CCR3: variants seen among roughly 807,000 people sequenced by gnomAD.
CCR3 encodes C-C chemokine receptor type 3.
For synonymous variants in CCR3, 203 were observed against 179.2 expected, an observed-to-expected ratio of 1.13 and a Z score of -1.06; for missense variants, 419 against 437.5, an observed-to-expected ratio of 0.96 and a Z score of 0.38.
chr3:46,221,890 C>T (rs1026594361), intron 2 of CCR3, among the ~76,000 whole-genome samples: 2 of 152,052 alleles, frequency 1.3e-5, no homozygotes, highest in South Asian at 2.1e-4. Flanking sequence ...CCTGACTGGC[C>T]GCCACCCCTC....
intron 1 of CCR3, among the ~76,000 whole-genome samples, chr3:46,261,020 A>G (rs1326334889): frequency 6.6e-6 from 1 of 152,136 alleles, no homozygotes; most frequent in Non-Finnish European, 1.5e-5. Context: ...CCTACTTTCT[A>G]TGTTCATTTA....
chr3:46,242,980 C>T lies in CCR3; in HGVS notation c.-12+442C>T, dbSNP rs112064913. On this transcript the variant is annotated intron_variant, in intron 1 of 1. Transcript: ENST00000395940. ...ATATATGTGTATATATATATATATA[C>T]ACATATATATATATATATATATACG... is the stretch of plus-strand genomic sequence containing the variant. 6.7e-3 allele frequency among the ~76,000 whole-genome samples: 665 copies of T among 98,864 alleles called. 22 individuals carry two copies. Among genetic ancestry groups the T allele is most frequent in the African/African-American group, 0.025 (564 of 22,612 alleles). The allele number at this position is 98,864 out of a possible 152,430, so 64.9% of individuals were successfully genotyped here. A position where few individuals can be genotyped will look rare whatever the true frequency, so the allele number is the denominator to read the frequency against.
intron 1 of CCR3, chr3:46,264,156 A>T: frequency 2.2e-6 from 1 of 463,088 alleles, no homozygotes; most frequent in Non-Finnish European, 3.8e-6. Context: ...GGCCTAAGAA[A>T]TATCAAGTCC....
At chr3:46,235,824 T>C (rs79270204) in intron 2 of CCR3, among the ~76,000 whole-genome samples, 2 of 152,226 alleles carry the variant, frequency 1.3e-5, no homozygotes, top group East Asian at 3.9e-4. Flanking sequence ...GCTGTCTTGC[T>C]GTCATTTGTG....
upstream of CCR3, among the ~76,000 whole-genome samples, chr3:46,240,212 T>G (rs1368460103): frequency 2.0e-5 from 3 of 152,234 alleles, no homozygotes; most frequent in Non-Finnish European, 2.9e-5. Context: ...CAGGTGGCTC[T>G]GAATGCTCTG....
chr3:46,229,625 A>C lies in CCR3; in HGVS notation c.-67-12777A>C, dbSNP rs549456956. ...TCTGGTTGGGGGAGGTGACAGAAAT[A>C]TTTTGAATCTTGATTATGGGAGTTA... On this transcript the variant is annotated intron_variant, in intron 2 of 3. Transcript: ENST00000357422. Among the ~76,000 whole-genome samples the C allele has an allele frequency of 7.9e-5, 12 of 152,278 alleles. No individual in the cohort carries two copies. In the South Asian group the frequency reaches 1.7e-3, roughly 21 times the overall value.
At position 46,266,352 on chromosome 3, in the gene CCR3, A is replaced by G; in HGVS notation, c.*126A>G. On this transcript the variant is annotated 3_prime_UTR_variant, in exon 2 of 2. Coordinates refer to ENST00000395940, the MANE Select transcript of CCR3 (RefSeq NM_178329.3). ...GTGCAACACTGAAGCTCTTGAAGACACTGAAATATACACACAGCAGTAGCA... is the reference window on the plus strand; with the variant it reads ...GTGCAACACTGAAGCTCTTGAAGACGCTGAAATATACACACAGCAGTAGCA... 1 of 640,178 alleles carries G rather than the reference A, an allele frequency of 1.6e-6. No homozygotes were observed. Among genetic ancestry groups the G allele is most frequent in the East Asian group, 2.7e-5 (1 of 36,564 alleles). 39.7% of individuals were successfully genotyped at this position (640,178 alleles called of 1,614,324 possible).
chr3:46,222,927 T>C (rs1018406257), intron 2 of CCR3, among the ~76,000 whole-genome samples: 2 of 152,178 alleles, frequency 1.3e-5, no homozygotes, highest in Non-Finnish European at 2.9e-5. Context: ...ATGTCTCCTA[T>C]GTGCAAGAAA....
In CCR3 at chr3:46,265,597, G is replaced by GTCAC; in HGVS notation, c.441_444dup (p.Phe149HisfsTer21). ...TGTGTTTGCCCTTCGAGCCCGGACT[G>GTCAC]TCACTTTTGGTGTCATCACCAGCAT... On this transcript the variant is annotated frameshift_variant, in exon 2 of 2. Transcript: ENST00000395940. LOFTEE classifies it low-confidence loss of function (END_TRUNC). 1 of 1,614,166 alleles carries GTCAC rather than the reference G, an allele frequency of 6.2e-7. No individual in the cohort carries two copies. The highest frequency in any genetic ancestry group is 8.5e-7 in the Non-Finnish European group (1 of 1,180,014).
intron 2 of CCR3, among the ~76,000 whole-genome samples, chr3:46,236,620 C>T (rs574797522): frequency 6.6e-6 from 1 of 152,350 alleles, no homozygotes; most frequent in East Asian, 1.9e-4. Flanking sequence ...AATTCTTCTC[C>T]ACTGGTTCTG....
At chr3:46,253,857 G>A (rs943529787) in intron 1 of CCR3, among the ~76,000 whole-genome samples, 3 of 152,044 alleles carry the variant, frequency 2.0e-5, no homozygotes, top group Admixed American at 6.5e-5. Context: ...ATACCATCTC[G>A]CTATTAGAAA....
In CCR3 at chr3:46,265,432, C is replaced by A. The variant is rs1358271930; in HGVS notation, c.274C>A (p.His92Asn). 1 of 1,614,060 alleles carries A rather than the reference C, an allele frequency of 6.2e-7. No individual in the cohort carries two copies. Among genetic ancestry groups the A allele is most frequent in the Non-Finnish European group, 8.5e-7 (1 of 1,180,024 alleles). ...CCTCGTCACCCTTCCATTCTGGATC[C>A]ACTATGTCAGGGGGCATAACTGGGT... ...LFLVTLPFWI[H>N]YVRGHNWVFG... Residue 92 changes from histidine to asparagine, a missense_variant, in exon 2 of 2, where the codon CAC (histidine) becomes AAC (asparagine). His to Asn is a moderately conservative substitution (Grantham distance 68). Coordinates refer to ENST00000395940, the MANE Select transcript of CCR3 (RefSeq NM_178329.3).
chr3:46,253,975 T>C (rs1192307180), intron 1 of CCR3, among the ~76,000 whole-genome samples: 1 of 151,822 alleles, frequency 6.6e-6, no homozygotes. Flanking sequence ...TACCAAAGAA[T>C]GAGACAGTTC....
intron 2 of CCR3, among the ~76,000 whole-genome samples, chr3:46,224,993 T>G (rs1699878317): frequency 6.6e-6 from 1 of 152,172 alleles, no homozygotes; most frequent in Non-Finnish European, 1.5e-5. Context: ...TTCAAGAATG[T>G]TGTTAGTAAC....
chr3:46,231,935 CA>C (rs1699969697), intron 2 of CCR3, among the ~76,000 whole-genome samples: 1 of 152,092 alleles, frequency 6.6e-6, no homozygotes, highest in Admixed American at 6.5e-5. Context: ...TGTGAGGTAC[CA>C]TGGAAATAAG....
chr3:46,246,181 A>G (rs889646949), intron 1 of CCR3, among the ~76,000 whole-genome samples: 1 of 152,220 alleles, frequency 6.6e-6, no homozygotes, highest in Non-Finnish European at 1.5e-5. Context: ...CCATCCTTTC[A>G]TACACTTAAG....
upstream of CCR3, among the ~76,000 whole-genome samples, chr3:46,242,162 C>T (rs1456490040): frequency 6.6e-6 from 1 of 151,806 alleles, no homozygotes; most frequent in Non-Finnish European, 1.5e-5. Context: ...TAACAACCCC[C>T]CACCACTAAA....
intron 2 of CCR3, among the ~76,000 whole-genome samples, chr3:46,236,602 G>T (rs553064495): frequency 7.2e-5 from 11 of 152,240 alleles, no homozygotes; most frequent in Non-Finnish European, 1.5e-4. Context: ...GAGGCTTCCA[G>T]TTCCTCTAAT....
intron 1 of CCR3, among the ~76,000 whole-genome samples, chr3:46,249,181 G>T (rs965443170): frequency 6.6e-6 from 1 of 152,048 alleles, no homozygotes; most frequent in Non-Finnish European, 1.5e-5. Context: ...AGAAGAGGAC[G>T]CAAAGGAGGC....
Sources: allele counts gnomAD v4.1 joint callset (sites outside exome capture counted in the v4.1 genomes callset), GRCh38; gene constraint gnomAD v4.1.1; transcripts MANE v1.5; gene names NCBI Gene and HGNC (gene_info 2026-07-23, HGNC 2026-07-21).